Variants in PRR16 observed in about 807,000 individuals in gnomAD.
PRR16 encodes proline rich 16.
PRR16 carries 6 observed loss-of-function variants against 18.2 expected under a neutral mutation model. That is an observed-to-expected ratio of 0.33 (90% CI 0.18 to 0.65). The LOEUF is 0.65. Among genes scored for constraint, PRR16 ranks in the 30% least tolerant of loss-of-function variants. The pLI is 0.74. For missense variants in PRR16, 412 were observed against 376.6 expected (o/e 1.09, Z -0.78); for synonymous variants, 151 against 147.8 (o/e 1.02, Z -0.16).
At chr5:120,598,345 C>G (rs1265051934) in intron 1 of PRR16, among the ~76,000 whole-genome samples, 1 of 151,802 alleles carries the variant, frequency 6.6e-6, no homozygotes, top group African/African-American at 2.4e-5. Context: ...GATATTCTAT[C>G]TTGTAGCCAT....
chr5:120,527,455 C>G (rs1751409712), intron 1 of PRR16, among the ~76,000 whole-genome samples: 1 of 152,104 alleles, frequency 6.6e-6, no homozygotes, highest in Non-Finnish European at 1.5e-5. Context: ...TTTGCTGACC[C>G]TGGTCTTAAA....
downstream of PRR16, among the ~76,000 whole-genome samples, chr5:120,689,758 G>T (rs2150158549): frequency 6.8e-6 from 1 of 146,924 alleles, no homozygotes; most frequent in African/African-American, 2.5e-5. Context: ...AGGGTGTTTT[G>T]GTTTTTTTTT....
downstream of PRR16, among the ~76,000 whole-genome samples, chr5:120,691,293 C>T (rs749391501): frequency 2.0e-5 from 3 of 152,208 alleles, no homozygotes; most frequent in South Asian, 2.1e-4. Context: ...GTTATTTTGA[C>T]GCTTGAAAGG....
intron 1 of PRR16, among the ~76,000 whole-genome samples, chr5:120,510,039 C>G (rs761307508): frequency 6.6e-6 from 1 of 152,022 alleles, no homozygotes; most frequent in African/African-American, 2.4e-5. Flanking sequence ...AAGAGGCTTT[C>G]AAAAAGAGCT....
At chr5:120,492,476 G>A (rs1488658948) in intron 1 of PRR16, among the ~76,000 whole-genome samples, 1 of 151,728 alleles carries the variant, frequency 6.6e-6, no homozygotes, top group African/African-American at 2.4e-5. Context: ...AACTATTACT[G>A]GTTTTTGCTT....
intron 1 of PRR16, among the ~76,000 whole-genome samples, chr5:120,490,719 A>G (rs1750001098): frequency 6.6e-6 from 1 of 151,616 alleles, no homozygotes; most frequent in South Asian, 2.1e-4. Context: ...TTGGAGGAGG[A>G]GAGGCACTCT....
intron 1 of PRR16, among the ~76,000 whole-genome samples, chr5:120,677,060 A>G (rs2150151056): frequency 6.6e-6 from 1 of 152,340 alleles, no homozygotes; most frequent in African/African-American, 2.4e-5. Flanking sequence ...AGATAACCAC[A>G]GTGTTTATTC....
chr5:120,468,023 C>T (rs1291347642), intron 1 of PRR16, among the ~76,000 whole-genome samples: 1 of 152,108 alleles, frequency 6.6e-6, no homozygotes, highest in Non-Finnish European at 1.5e-5. Context: ...TGTCTTCCAA[C>T]ATCAGCAGTA....
At chr5:120,503,235 G>A (rs960033449) in intron 1 of PRR16, among the ~76,000 whole-genome samples, 2 of 152,072 alleles carry the variant, frequency 1.3e-5, no homozygotes, top group African/African-American at 2.4e-5. Flanking sequence ...CATATTTGAT[G>A]AGTGAGGGAA....
intron 1 of PRR16, among the ~76,000 whole-genome samples, chr5:120,637,842 CA>C (rs957973437): frequency 6.6e-6 from 1 of 151,316 alleles, no homozygotes; most frequent in Non-Finnish European, 1.5e-5. Context: ...ATCTCAACAA[CA>C]AAAAAAAGAA....
chr5:120,681,010 A>G (rs1580875607), intron 1 of PRR16, among the ~76,000 whole-genome samples: 1 of 152,308 alleles, frequency 6.6e-6, no homozygotes, highest in East Asian at 1.9e-4. Flanking sequence ...ACATGGCTGC[A>G]TCAGGTTGCA....
chr5:120,528,178 G>A (rs1389929056), intron 1 of PRR16, among the ~76,000 whole-genome samples: 1 of 152,160 alleles, frequency 6.6e-6, no homozygotes, highest in Admixed American at 6.5e-5. Context: ...TAAAAGGTAG[G>A]TAGAATGGAG....
chr5:120,711,530 A>G, the PRR16 span, among the ~76,000 whole-genome samples: 14 of 152,178 alleles, frequency 9.2e-5, no homozygotes, highest in Non-Finnish European at 1.3e-4. Context: ...TTTGAGATTT[A>G]CCCAAACATT....
chr5:120,619,624 A>G (rs1440484106), intron 1 of PRR16, among the ~76,000 whole-genome samples: 1 of 152,142 alleles, frequency 6.6e-6, no homozygotes, highest in Non-Finnish European at 1.5e-5. Flanking sequence ...GGAAGTAAGA[A>G]AACATGAGGA....
intron 1 of PRR16, among the ~76,000 whole-genome samples, chr5:120,620,208 T>G (rs547694678): frequency 6.6e-6 from 1 of 152,140 alleles, no homozygotes. Flanking sequence ...AATAACATAG[T>G]GCATAAAATT....
chr5:120,580,597 G>A (rs1199811862), intron 1 of PRR16, among the ~76,000 whole-genome samples: 2 of 151,836 alleles, frequency 1.3e-5, no homozygotes, highest in Non-Finnish European at 2.9e-5. Context: ...TGGGACTACA[G>A]GTGCCTGCCA....
chr5:120,589,505 T>C (rs1392559563), intron 1 of PRR16, among the ~76,000 whole-genome samples: 1 of 152,118 alleles, frequency 6.6e-6, no homozygotes, highest in Admixed American at 6.6e-5. Flanking sequence ...GGTATATTAG[T>C]GTATTCTCAC....
intron 1 of PRR16, among the ~76,000 whole-genome samples, chr5:120,487,440 T>G (rs1580632798): frequency 6.6e-6 from 1 of 152,200 alleles, no homozygotes; most frequent in East Asian, 1.9e-4. Flanking sequence ...ATGGTTTGGC[T>G]CTCTGTTTGT....
the PRR16 span, among the ~76,000 whole-genome samples, chr5:120,744,052 G>C: frequency 6.6e-6 from 1 of 151,900 alleles, no homozygotes; most frequent in East Asian, 2.0e-4. Context: ...ACTGAGCAAT[G>C]GACTCACTGT....
Sources: allele counts gnomAD v4.1 joint callset (sites outside exome capture counted in the v4.1 genomes callset), GRCh38; gene constraint gnomAD v4.1.1; transcripts MANE v1.5; gene names NCBI Gene and HGNC (gene_info 2026-07-23, HGNC 2026-07-21).